The following NLRP7 variants were observed in gnomAD, a reference collection of about 807,000 sequenced individuals.
NLRP7 encodes the protein NACHT, LRR and PYD domains-containing protein 7.
Under a neutral mutation model 85.5 loss-of-function variants are expected in NLRP7, and 72 were observed. The ratio of observed to expected loss-of-function variants is 0.84; its 90% CI spans 0.70 to 1.02. The LOEUF (loss-of-function observed/expected upper bound fraction) is 1.02. NLRP7 is among the 50% of genes least tolerant of loss of function. The pLI, the probability that NLRP7 is intolerant of heterozygous loss-of-function variation, is 0.00. For synonymous variants in NLRP7, 550 were observed against 505.2 expected, an observed-to-expected ratio of 1.09 and a Z score of -1.19; for missense variants, 1,243 against 1,219.5, an observed-to-expected ratio of 1.02 and a Z score of -0.29.
At position 54,936,321 on chromosome 19, in the gene NLRP7, G is replaced by A. The variant is rs140486104; in HGVS notation, c.2240C>T (p.Thr747Met). 121 of 1,613,850 alleles carry A rather than the reference G, an allele frequency of 7.5e-5. 2 individuals carry two copies. Among genetic ancestry groups the A allele is most frequent in the Admixed American group, 8.3e-5 (5 of 59,970 alleles). Residue 747 changes from threonine (T) to methionine (M), a missense_variant, in exon 6 of 10, where the codon ACG (threonine) becomes ATG (methionine). By Grantham distance (81) the Thr-to-Met change is moderately conservative. Around this residue, in one of 3 missense-constraint regions of NLRP7, gnomAD observed 613 missense variants for 588.4 expected, o/e 1.04. Transcript: ENST00000340844. ...CAGGTCACACAGCATCAGCATCATC[G>A]TGCGTTCCCACTCGATGTGCCCTGC...
chr19:54,928,683 C>A (rs920234719), intron 9 of NLRP7, among the ~76,000 whole-genome samples: 2 of 152,094 alleles, frequency 1.3e-5, no homozygotes, highest in Admixed American at 6.6e-5. Context: ...AACCAGCATG[C>A]TAACTGGGGG....
At chr19:54,947,892 A>G (rs554515618), upstream of NLRP7, 1 of 263,972 alleles carries the variant, frequency 3.8e-6, no homozygotes, top group African/African-American at 2.3e-5. Flanking sequence ...TAAAAATTAA[A>G]AAAAAAGAGG....
chr19:54,966,159 C>T (rs1247768170), exon 1 of NLRP7: 1 of 151,552 alleles, frequency 6.6e-6, no homozygotes, highest in Admixed American at 6.6e-5. Context: ...TGGGCAGTCC[C>T]AGTGTAACCA....
intron 5 of NLRP7, 123 bp downstream of exon 5, chr19:54,937,921 A>G: frequency 1.3e-6 from 1 of 757,484 alleles, no homozygotes; most frequent in Non-Finnish European, 2.2e-6. Flanking sequence ...AAAAAAAAAA[A>G]GACAGCTGGA....
chr19:54,945,211 C>G (rs1362552769), intron 1 of NLRP7, among the ~76,000 whole-genome samples: 2 of 148,404 alleles, frequency 1.3e-5, no homozygotes, highest in African/African-American at 5.0e-5. Context: ...CCACTGCACT[C>G]CAGCCTGGGC....
upstream of NLRP7, among the ~76,000 whole-genome samples, chr19:54,949,357 C>A (rs909343019): frequency 1.3e-5 from 2 of 151,550 alleles, no homozygotes; most frequent in Non-Finnish European, 2.9e-5. Context: ...GGGAGGACTG[C>A]CTGAGTCCAG....
chr19:54,956,201 A>G (rs1309889428), intron 1 of NLRP7, among the ~76,000 whole-genome samples: 2 of 151,590 alleles, frequency 1.3e-5, no homozygotes, highest in Non-Finnish European at 2.9e-5. Flanking sequence ...CTTGTGGGAC[A>G]AGGAAGGAAG....
At chr19:54,964,458 C>T (rs1369128187) in intron 1 of NLRP7, among the ~76,000 whole-genome samples, 1 of 151,514 alleles carries the variant, frequency 6.6e-6, no homozygotes, top group African/African-American at 2.4e-5. Flanking sequence ...CCTCGTGATC[C>T]ACCTGCCTCG....
At chr19:54,936,989 C>A (rs1051676129) in intron 5 of NLRP7, among the ~76,000 whole-genome samples, 6 of 151,294 alleles carry the variant, frequency 4.0e-5, no homozygotes, top group Non-Finnish European at 7.4e-5. Flanking sequence ...GAGGCCGAGG[C>A]GGGTGGATCA....
At chr19:54,936,470 A>G in intron 5 of NLRP7, 39 bp from the exon 6 acceptor site, 1 of 1,539,314 alleles carries the variant, frequency 6.5e-7, no homozygotes, top group Non-Finnish European at 9.0e-7. Flanking sequence ...GGAGTGATTA[A>G]TACTCACATT....
upstream of NLRP7, chr19:54,949,075 C>G (rs1308382960): frequency 6.6e-6 from 1 of 151,978 alleles, no homozygotes; most frequent in African/African-American, 2.4e-5. Context: ...GTCAGCAGTT[C>G]GAGACCAACC....
At chr19:54,937,281 T>C (rs1681989797) in intron 5 of NLRP7, among the ~76,000 whole-genome samples, 1 of 151,078 alleles carries the variant, frequency 6.6e-6, no homozygotes, top group African/African-American at 2.4e-5. Context: ...CTAGGCTTAA[T>C]ACTTGGGTGA....
At chr19:54,944,323 GGCA>G (rs773091800) in intron 1 of NLRP7, among the ~76,000 whole-genome samples, 2 of 151,368 alleles carry the variant, frequency 1.3e-5, no homozygotes, top group Non-Finnish European at 2.9e-5. Context: ...GACACATGCT[GGCA>G]GCAATACTGC....
chr19:54,934,981 G>A lies in NLRP7; in HGVS notation c.2301-322C>T, dbSNP rs994433165. ...CGAAGTACTGGGATTACAGGTGTGA[G>A]CCACCGCGCCTGGCCCAGATCAGCT... On this transcript the variant is annotated intron_variant, in intron 6 of 9. Coordinates refer to ENST00000340844, the Ensembl canonical transcript of NLRP7. This position sits in a 1 kb window ranked among gnomAD's most constrained non-coding sequence, Gnocchi z 6.7. Among the ~76,000 whole-genome samples, 2 of 152,122 alleles carry A rather than the reference G, an allele frequency of 1.3e-5. No individual in the cohort carries two copies. Among genetic ancestry groups the A allele is most frequent in the Admixed American group, 6.6e-5 (1 of 15,254 alleles).
Position 54,941,761 on chromosome 19 carries a change from A to AG in NLRP7, c.-39-12_-39-11insC. On this transcript the variant is annotated splice_polypyrimidine_tract_variant and intron_variant, in intron 1 of 9. Coordinates refer to ENST00000340844, the Ensembl canonical transcript of NLRP7. ...GTTAAGGCTGAAGAACTGGGGGGAAAAAAGGAAAAACAGTTCACGAGTTAC... is the reference window on the plus strand; with the variant it reads ...GTTAAGGCTGAAGAACTGGGGGGAAAGAAAGGAAAAACAGTTCACGAGTTAC... The AG allele has an allele frequency of 6.3e-7, 1 of 1,579,762 alleles. No homozygotes were observed. The highest frequency in any genetic ancestry group is 1.2e-5 in the South Asian group (1 of 85,232).
At chr19:54,954,871 C>A (rs2069800924) in intron 1 of NLRP7, among the ~76,000 whole-genome samples, 1 of 151,446 alleles carries the variant, frequency 6.6e-6, no homozygotes, top group Non-Finnish European at 1.5e-5. Flanking sequence ...ATAAGGGCAA[C>A]TAGCAGCCCT....
chr19:54,926,770 G>T (rs1414007407), intron 9 of NLRP7, among the ~76,000 whole-genome samples: 1 of 151,746 alleles, frequency 6.6e-6, no homozygotes, highest in Non-Finnish European at 1.5e-5. Context: ...ACAAAAATTA[G>T]CTGGGTGTGG....
chr19:54,946,211 A>T (rs1393375702), intron 1 of NLRP7, among the ~76,000 whole-genome samples: 15 of 143,922 alleles, frequency 1.0e-4, no homozygotes, highest in African/African-American at 3.6e-4. Flanking sequence ...CTGGCCATTT[A>T]CATTTTTTTT....
At chr19:54,965,870 C>CGTGCCG (rs1568451722) in intron 1 of NLRP7, among the ~76,000 whole-genome samples, 2 of 98,444 alleles carry the variant, frequency 2.0e-5, no homozygotes, top group African/African-American at 3.9e-5. Context: ...GAGCCGAGAT[C>CGTGCCG]GTGCCGTTGC....
Sources: gnomAD v4.1 joint callset for allele counts (sites outside exome capture counted in the v4.1 genomes callset) on GRCh38, gnomAD v4.1.1 for gene constraint, gnomAD v4.1.1 regional missense constraint, Gnocchi (gnomAD v3.1) non-coding constraint, MANE v1.5 for transcripts, NCBI Gene and HGNC (gene_info 2026-07-23, HGNC 2026-07-21) for gene names.